PIEZO2: variants seen among roughly 807,000 people sequenced by gnomAD.
The protein encoded by PIEZO2 is piezo-type mechanosensitive ion channel component 2.
In PIEZO2, 172 loss-of-function variants were observed where a neutral mutation model predicts 337.3. The ratio of observed to expected loss-of-function variants is 0.51; its 90% CI spans 0.45 to 0.58. The LOEUF is 0.58. PIEZO2 is among the 20% of genes least tolerant of loss of function. PIEZO2 has a pLI of 0.00. For missense variants in PIEZO2, 3,028 were observed against 3,391.3 expected, an observed-to-expected ratio of 0.89 and a Z score of 2.66; for synonymous variants, 1,251 against 1,228.5, an observed-to-expected ratio of 1.02 and a Z score of -0.38.
At position 10,993,974 on chromosome 18, in the gene PIEZO2, A is replaced by G. The variant is rs1456067564; in HGVS notation, c.161-14314T>C. 6.6e-6 allele frequency among the ~76,000 whole-genome samples: 1 copy of G among 152,110 alleles called. No homozygotes were observed. Among genetic ancestry groups the G allele is most frequent in the African/African-American group, 2.4e-5 (1 of 41,376 alleles). On this transcript the variant is annotated intron_variant, in intron 2 of 55. Transcript: ENST00000674853. The surrounding 1 kb of genome is among the most constrained non-coding windows in gnomAD (Gnocchi z 5.0). ...CCCATCACCCAAGAAGTATACACTG[A>G]AGCCAATTTGTATGCTTTTATCCCT...
intron 18 of PIEZO2, among the ~76,000 whole-genome samples, chr18:10,778,154 T>C (rs1315084514): frequency 6.6e-6 from 1 of 152,144 alleles, no homozygotes; most frequent in Non-Finnish European, 1.5e-5. Flanking sequence ...TATAAAACAC[T>C]GAACATAAAG....
chr18:11,059,093 G>A (rs2037839809), intron 2 of PIEZO2, among the ~76,000 whole-genome samples: 2 of 152,170 alleles, frequency 1.3e-5, no homozygotes, highest in Non-Finnish European at 2.9e-5. Flanking sequence ...GAGAGTGGGG[G>A]CCAATATTCA....
chr18:11,144,139 C>A (rs769100879), intron 1 of PIEZO2, among the ~76,000 whole-genome samples: 1 of 152,134 alleles, frequency 6.6e-6, no homozygotes, highest in Non-Finnish European at 1.5e-5. Flanking sequence ...AAACACACAT[C>A]ACCCGTAAAG....
intron 24 of PIEZO2, among the ~76,000 whole-genome samples, 187 bp from the exon 25 acceptor site, chr18:10,760,096 C>T (rs548629915): frequency 1.3e-5 from 2 of 152,294 alleles, no homozygotes; most frequent in Admixed American, 6.5e-5. Flanking sequence ...GTACAGATTA[C>T]TCCCAGGGAA....
In PIEZO2 at chr18:10,859,818, TG is replaced by T. The variant is rs1204262254; in HGVS notation, c.493-2608del. Among the ~76,000 whole-genome samples, 3 of 152,032 alleles carry T rather than the reference TG, an allele frequency of 2.0e-5. No individual in the cohort carries two copies. In the East Asian group the frequency reaches 5.8e-4, roughly 29 times the overall value. ...TTTGCCACATAACTCTAGTTGCTCC[TG>T]GGGCGGAGCAGAGGGAGGCAGCAGC... is the stretch of plus-strand genomic sequence containing the variant. On this transcript the variant is annotated intron_variant, in intron 5 of 55. Coordinates refer to ENST00000674853, the MANE Select transcript of PIEZO2 (RefSeq NM_001378183.1). The surrounding 1 kb of genome is among the most constrained non-coding windows in gnomAD (Gnocchi z 4.9).
chr18:10,691,870 C>T (rs982744149), intron 47 of PIEZO2, among the ~76,000 whole-genome samples: 1 of 149,146 alleles, frequency 6.7e-6, no homozygotes, highest in Non-Finnish European at 1.5e-5. Context: ...CTCTCAATTT[C>T]TTTTTACTAT....
chr18:11,120,863 C>T (rs1038109386), intron 1 of PIEZO2, among the ~76,000 whole-genome samples: 4 of 152,154 alleles, frequency 2.6e-5, no homozygotes, highest in Non-Finnish European at 5.9e-5. Flanking sequence ...TTTCCTGGTC[C>T]TAAATTTACT....
At chr18:11,103,025 G>T (rs1043845203) in intron 1 of PIEZO2, among the ~76,000 whole-genome samples, 2 of 152,120 alleles carry the variant, frequency 1.3e-5, no homozygotes, top group Non-Finnish European at 2.9e-5. Flanking sequence ...CACTAGGAAT[G>T]GGACAATCAC....
In PIEZO2 at chr18:10,715,637, C is replaced by G; in HGVS notation, c.5256+13G>C. The G allele has an allele frequency of 1.3e-6, 2 of 1,511,510 alleles. No individual in the cohort carries two copies. The highest frequency in any genetic ancestry group is 1.4e-5 in the African/African-American group (1 of 72,056). 93.6% of individuals were successfully genotyped at this position (1,511,510 alleles called of 1,614,324 possible). A position where few individuals can be genotyped will look rare whatever the true frequency, so the allele number is the denominator to read the frequency against. On this transcript the variant is annotated intron_variant, in intron 38 of 55. Coordinates refer to ENST00000674853, the MANE Select transcript of PIEZO2 (RefSeq NM_001378183.1). The stretch of plus-strand genomic sequence containing the variant: ...GTGGGAAGGAGCAAAAAGAATTACA[C>G]CAGCAGTGTTACCTTCTTAATTTCT...
In PIEZO2 at chr18:10,870,868, TC is replaced by T. The variant is rs541994740; in HGVS notation, c.492+384del. ...CCCTGCAAGGAGGAACTCATTTTTT[TC>T]CCTAAAACTACCAGATGTTACTTCT... On this transcript the variant is annotated intron_variant, in intron 5 of 55. Coordinates refer to ENST00000674853, the MANE Select transcript of PIEZO2 (RefSeq NM_001378183.1). This position sits in a 1 kb window ranked among gnomAD's most constrained non-coding sequence, Gnocchi z 5.3. 1.3e-5 allele frequency among the ~76,000 whole-genome samples: 2 copies of T among 152,176 alleles called. No individual in the cohort carries two copies. Among genetic ancestry groups the T allele is most frequent in the African/African-American group, 2.4e-5 (1 of 41,454 alleles).
In PIEZO2 at chr18:10,705,465, G is replaced by A. The variant is rs1260084326; in HGVS notation, c.5870C>T (p.Ser1957Leu). The change falls in exon 41 of 56, where the codon TCG becomes TTG. Residue 1957 changes from serine to leucine, a missense_variant. Coordinates refer to ENST00000674853, the MANE Select transcript of PIEZO2 (RefSeq NM_001378183.1). ...GTTCTTGCCTGCAGAGTCGTCCTGC[G>A]AGCCGAAGGACAGATGCTCGAAGCT... is the stretch of plus-strand genomic sequence containing the variant. Reference protein sequence around the residue: ...AVSFEHLSFGSQDDSAGKNRM... With the variant: ...AVSFEHLSFGLQDDSAGKNRM... 9 of 1,537,124 alleles carry A rather than the reference G, an allele frequency of 5.9e-6. No homozygotes were observed. Among genetic ancestry groups the A allele is most frequent in the Non-Finnish European group, 7.8e-6 (9 of 1,146,920 alleles).
At chr18:11,090,821 G>C (rs368574498) in intron 1 of PIEZO2, among the ~76,000 whole-genome samples, 6 of 139,600 alleles carry the variant, frequency 4.3e-5, no homozygotes, top group African/African-American at 1.6e-4. Flanking sequence ...GCTGAGGCAG[G>C]AGAATGGTGT....
intron 3 of PIEZO2, among the ~76,000 whole-genome samples, chr18:10,959,675 C>T (rs757355075): frequency 1.4e-4 from 21 of 152,018 alleles, no homozygotes; most frequent in Admixed American, 2.6e-4. Context: ...TTACAAAGTC[C>T]CATTGAGGAA....
chr18:11,146,562 G>C lies in PIEZO2; in HGVS notation c.64+1963C>G, dbSNP rs1244547244. On this transcript the variant is annotated intron_variant, in intron 1 of 55. Coordinates refer to ENST00000674853, the MANE Select transcript of PIEZO2 (RefSeq NM_001378183.1). The surrounding 1 kb of genome is among the most constrained non-coding windows in gnomAD (Gnocchi z 6.1). ...GGCAGAGTACTACAGCCCTACTGAAGGAGTTTTTAGCATAGGCCACCAACC... is the reference window on the plus strand; with the variant it reads ...GGCAGAGTACTACAGCCCTACTGAACGAGTTTTTAGCATAGGCCACCAACC... 6.6e-6 allele frequency among the ~76,000 whole-genome samples: 1 copy of C among 152,220 alleles called. No individual in the cohort carries two copies. Among genetic ancestry groups the C allele is most frequent in the Non-Finnish European group, 1.5e-5 (1 of 68,034 alleles).
Position 10,676,853 on chromosome 18 carries a change from T to C in PIEZO2, c.8081+894A>G, listed in dbSNP as rs2034028776. Reference sequence around the variant, plus strand: ...GAATGACAAGAGGCCTGAATCATTTTAGTGCAGTCCCATGTCCCATTCCTG... The same window carrying C: ...GAATGACAAGAGGCCTGAATCATTTCAGTGCAGTCCCATGTCCCATTCCTG... On this transcript the variant is annotated intron_variant, in intron 53 of 55. Coordinates refer to ENST00000674853, the MANE Select transcript of PIEZO2 (RefSeq NM_001378183.1). The surrounding 1 kb of genome is among the most constrained non-coding windows in gnomAD (Gnocchi z 5.1). 6.6e-6 allele frequency among the ~76,000 whole-genome samples: 1 copy of C among 152,234 alleles called. No homozygotes were observed. The highest frequency in any genetic ancestry group is 6.5e-5 in the Admixed American group (1 of 15,286).
Position 10,806,049 on chromosome 18 carries a change from G to A in PIEZO2, c.1080+1063C>T, listed in dbSNP as rs187420980. Among the ~76,000 whole-genome samples, 370 of 152,352 alleles carry A rather than the reference G, an allele frequency of 2.4e-3. 5 individuals carry two copies. The highest frequency in any genetic ancestry group is 0.021 in the Admixed American group (321 of 15,308). On this transcript the variant is annotated intron_variant, in intron 8 of 55. Transcript: ENST00000674853. ...TTGCTCTATGCTGGCCCCTAGGTTA[G>A]TTTCAGATCCAGTTGGCCTTCCATA...
intron 3 of PIEZO2, among the ~76,000 whole-genome samples, chr18:10,951,849 G>A (rs117808031): frequency 0.017 from 2,540 of 152,280 alleles, 27 homozygotes; most frequent in Non-Finnish European, 0.022. Context: ...ACACTTTGGG[G>A]ACAAGAGTGT....
intron 7 of PIEZO2, among the ~76,000 whole-genome samples, chr18:10,817,953 T>C (rs2040412476): frequency 6.6e-6 from 1 of 151,200 alleles, no homozygotes; most frequent in Non-Finnish European, 1.5e-5. Context: ...GACTTTACAA[T>C]GTTTCTAAGA....
At chr18:11,079,213 CATA>C (rs1220213872) in intron 1 of PIEZO2, among the ~76,000 whole-genome samples, 5 of 152,190 alleles carry the variant, frequency 3.3e-5, no homozygotes, top group Non-Finnish European at 7.3e-5. Context: ...CGAAATGGTG[CATA>C]ATATTTCACA....
Sources: gnomAD v4.1 joint callset for allele counts (sites outside exome capture counted in the v4.1 genomes callset) on GRCh38, gnomAD v4.1.1 for gene constraint, Gnocchi (gnomAD v3.1) non-coding constraint, MANE v1.5 for transcripts, NCBI Gene and HGNC (gene_info 2026-07-23, HGNC 2026-07-21) for gene names.